Variants in UBXN7 observed in about 807,000 individuals in gnomAD.
The protein encoded by UBXN7 is UBX domain-containing protein 7.
In UBXN7, 9 loss-of-function variants were observed where a neutral mutation model predicts 58.0. The ratio of observed to expected loss-of-function variants is 0.16; its 90% CI spans 0.09 to 0.27. The LOEUF is 0.27. Among genes scored for constraint, UBXN7 ranks in the 10% least tolerant of loss-of-function variants. The pLI is 1.00. For synonymous variants in UBXN7, 208 were observed against 205.0 expected (o/e 1.01, Z -0.12); for missense variants, 328 against 599.6 (o/e 0.55, Z 4.73).
intron 1 of UBXN7, among the ~76,000 whole-genome samples, chr3:196,418,760 G>A (rs1353781937): frequency 6.6e-6 from 1 of 152,172 alleles, no homozygotes; most frequent in Non-Finnish European, 1.5e-5. Context: ...GGATTCTACA[G>A]AGAATGACAT....
At chr3:196,373,031 G>A (rs946685647) in intron 5 of UBXN7, among the ~76,000 whole-genome samples, 5 of 152,180 alleles carry the variant, frequency 3.3e-5, no homozygotes, top group Admixed American at 2.6e-4. Flanking sequence ...GATTATAGGC[G>A]TGAGCCACCG....
rs188686037 is a variant in UBXN7 at position 196,379,101 on chromosome 3, G to A, written c.469-7059C>T. Among the ~76,000 whole-genome samples, 313 of 117,468 alleles carry A rather than the reference G, an allele frequency of 2.7e-3. 1 individual carries two copies. The highest frequency in any genetic ancestry group is 4.6e-3 in the Non-Finnish European group (271 of 58,790). The allele number at this position is 117,468 out of a possible 152,430, so 77.1% of individuals were successfully genotyped here. ...TTTTAGCCAGCTTCTTTCCATGTTG[G>A]TTTTGGGGGATTTTAGCCACAGCTT... is the stretch of plus-strand genomic sequence containing the variant. On this transcript the variant is annotated intron_variant, in intron 5 of 10. Transcript: ENST00000296328.
chr3:196,372,299 A>G (rs1037570006), intron 5 of UBXN7, among the ~76,000 whole-genome samples: 1 of 82,414 alleles, frequency 1.2e-5, no homozygotes, highest in African/African-American at 4.2e-5. Flanking sequence ...ATAATAGCTG[A>G]TTCTCTCTCT....
intron 1 of UBXN7, among the ~76,000 whole-genome samples, chr3:196,428,212 G>A (rs903819637): frequency 6.6e-6 from 1 of 151,992 alleles, no homozygotes; most frequent in Non-Finnish European, 1.5e-5. Flanking sequence ...TACTTCAAAG[G>A]TCATCACTTC....
intron 10 of UBXN7, 152 bp downstream of exon 10, chr3:196,361,692 T>C (rs1432875352): frequency 3.2e-6 from 2 of 623,230 alleles, no homozygotes; most frequent in South Asian, 5.6e-5. Context: ...TTTAATTAAG[T>C]TATGTGCTTT....
At chr3:196,406,651 G>C (rs2108616345) in intron 2 of UBXN7, among the ~76,000 whole-genome samples, 1 of 151,602 alleles carries the variant, frequency 6.6e-6, no homozygotes, top group South Asian at 2.1e-4. Context: ...TCACCATGTT[G>C]GTCAAGCTGG....
chr3:196,401,397 CAACT>C (rs1019168066), intron 3 of UBXN7, among the ~76,000 whole-genome samples: 3 of 148,124 alleles, frequency 2.0e-5, no homozygotes, highest in Non-Finnish European at 4.5e-5. Flanking sequence ...TAAAAACTCT[CAACT>C]AAAGTACTTT....
At chr3:196,371,853 A>C (rs1728843672) in intron 6 of UBXN7, 43 bp downstream of exon 6, 14 of 1,591,194 alleles carry the variant, frequency 8.8e-6, no homozygotes, top group Non-Finnish European at 1.1e-5. Flanking sequence ...CCACACTACA[A>C]AAGTAAAATT....
At position 196,353,383 on chromosome 3, in the gene UBXN7, T is replaced by C. The variant is rs1728261299; in HGVS notation, c.*3302A>G. 1 of 152,210 alleles carries C rather than the reference T, an allele frequency of 6.6e-6. No individual in the cohort carries two copies. The highest frequency in any genetic ancestry group is 1.5e-5 in the Non-Finnish European group (1 of 68,030). 9.4% of individuals were successfully genotyped at this position (152,210 alleles called of 1,614,324 possible). A position where few individuals can be genotyped will look rare whatever the true frequency, so the allele number is the denominator to read the frequency against. ...CAATTAGTATTAAGTTTCCTGTTCTTTTCTCATTTGGCACTGTTGTTTTCT... is the reference window on the plus strand; with the variant it reads ...CAATTAGTATTAAGTTTCCTGTTCTCTTCTCATTTGGCACTGTTGTTTTCT... On this transcript the variant is annotated 3_prime_UTR_variant, in exon 11 of 11. Transcript: ENST00000296328.
chr3:196,365,697 C>T (rs754723969), intron 8 of UBXN7, among the ~76,000 whole-genome samples: 2 of 152,084 alleles, frequency 1.3e-5, no homozygotes, highest in African/African-American at 2.4e-5. Context: ...CATGGCATCA[C>T]GAGGGACTAT....
At chr3:196,432,236 G>A (rs1315782301) in intron 1 of UBXN7, 91 bp downstream of exon 1, 2 of 1,536,640 alleles carry the variant, frequency 1.3e-6, no homozygotes, top group African/African-American at 1.4e-5. Context: ...AAGCCCGAAG[G>A]AGGAATGCCT....
At chr3:196,414,040 A>G (rs1393430701) in intron 1 of UBXN7, among the ~76,000 whole-genome samples, 2 of 152,108 alleles carry the variant, frequency 1.3e-5, no homozygotes, top group Non-Finnish European at 2.9e-5. Context: ...TTTTTGCTGG[A>G]GTGCAGTGGT....
rs780788392 is a variant in UBXN7, at chr3:196,401,274, A to AATATAT, written c.289+1672_289+1677dup. 7.3e-3 allele frequency among the ~76,000 whole-genome samples: 269 copies of AATATAT among 36,762 alleles called. 7 individuals are homozygous for AATATAT. The highest frequency in any genetic ancestry group is 0.024 in the East Asian group (14 of 572). 24.1% of individuals were successfully genotyped at this position (36,762 alleles called of 152,430 possible). ...AAAAAAAAAAAAAAAAAAAAAAAAAAATATATATATATATATATATATATA... is the reference window on the plus strand; with the variant it reads ...AAAAAAAAAAAAAAAAAAAAAAAAAAATATATATATATATATATATATATATATATA... On this transcript the variant is annotated intron_variant, in intron 3 of 10. Coordinates refer to ENST00000296328, the MANE Select transcript of UBXN7 (RefSeq NM_015562.2).
intron 5 of UBXN7, among the ~76,000 whole-genome samples, chr3:196,386,473 T>C (rs1194051759): frequency 6.6e-6 from 1 of 151,170 alleles, no homozygotes; most frequent in African/African-American, 2.4e-5. Flanking sequence ...AACCCCATCG[T>C]CTCAGCCCAA....
chr3:196,430,158 C>G (rs984808369), intron 1 of UBXN7, among the ~76,000 whole-genome samples: 1 of 151,862 alleles, frequency 6.6e-6, no homozygotes, highest in Non-Finnish European at 1.5e-5. Flanking sequence ...AGTTCAAGAC[C>G]AGCCAGGCCA....
At chr3:196,417,011 A>G (rs924222173) in intron 1 of UBXN7, among the ~76,000 whole-genome samples, 5 of 152,182 alleles carry the variant, frequency 3.3e-5, no homozygotes, top group Non-Finnish European at 7.3e-5. Flanking sequence ...CAGACACAGC[A>G]AGAAGTTAAA....
rs1456906611 is a variant in UBXN7, at chr3:196,368,010, C to T, written c.834+18G>A. The T allele has an allele frequency of 6.8e-6, 11 of 1,606,450 alleles. No individual in the cohort carries two copies. In the African/African-American group the frequency reaches 1.3e-4, roughly 20 times the overall value. ...AATTACATTTATTTTCCCATCACCACCTCCTAATTATACTTACTGAACGGG... is the reference window on the plus strand; with the variant it reads ...AATTACATTTATTTTCCCATCACCATCTCCTAATTATACTTACTGAACGGG... On this transcript the variant is annotated intron_variant, in intron 8 of 10. Coordinates refer to ENST00000296328, the MANE Select transcript of UBXN7 (RefSeq NM_015562.2).
chr3:196,362,570 A>T lies in UBXN7; in HGVS notation c.952T>A (p.Ser318Thr), dbSNP rs377620151. 267 of 1,614,052 alleles carry T rather than the reference A, an allele frequency of 1.7e-4. No individual in the cohort carries two copies. The highest frequency in any genetic ancestry group is 2.1e-4 in the Non-Finnish European group (246 of 1,180,040). The change falls in exon 9 of 11, where the codon TCT (serine) becomes ACT (threonine). Residue 318 changes from serine (S) to threonine (T), a missense_variant. Coordinates refer to ENST00000296328, the MANE Select transcript of UBXN7 (RefSeq NM_015562.2). ...CTGCCAGAAAAAAGTTCAGATTCAG[A>T]TTCTTCATCTGAGCGGCTATCCTGT... Reference protein sequence around the residue: ...TKQDSRSDEESESELFSGSEE... With the variant: ...TKQDSRSDEETESELFSGSEE...
At chr3:196,401,248 CAA>C (rs35766312) in intron 3 of UBXN7, among the ~76,000 whole-genome samples, 1 of 2,274 alleles carries the variant, frequency 4.4e-4, no homozygotes, top group South Asian at 7.9e-3. Context: ...CCCGTCTCTC[CAA>C]AAAAAAAAAA....
Sources: gnomAD v4.1 joint callset for allele counts (sites outside exome capture counted in the v4.1 genomes callset) on GRCh38, gnomAD v4.1.1 for gene constraint, MANE v1.5 for transcripts, NCBI Gene and HGNC (gene_info 2026-07-23, HGNC 2026-07-21) for gene names.